The following CTNNA3 variants were observed in gnomAD, a reference collection of about 807,000 sequenced individuals.
The protein encoded by CTNNA3 is catenin alpha 3, also known as catenin alpha-3.
CTNNA3 carries 76 observed loss-of-function variants against 95.7 expected under a neutral mutation model. That is an observed-to-expected ratio of 0.79 (90% confidence interval 0.66 to 0.96). The LOEUF is 0.96. CTNNA3 is among the 40% of genes least tolerant of loss of function. CTNNA3 has a pLI of 0.00. For missense variants in CTNNA3, 1,191 were observed against 1,089.8 expected, an observed-to-expected ratio of 1.09 and a Z score of -1.31; for synonymous variants, 431 against 374.4, an observed-to-expected ratio of 1.15 and a Z score of -1.74.
intron 8 of CTNNA3, among the ~76,000 whole-genome samples, chr10:66,767,816 T>C (rs1414517698): frequency 6.6e-6 from 1 of 152,200 alleles, no homozygotes. Flanking sequence ...CTGCCCAAAA[T>C]AGTGAGCTTG....
intron 13 of CTNNA3, among the ~76,000 whole-genome samples, chr10:66,168,015 A>G (rs981412258): frequency 6.6e-6 from 1 of 152,162 alleles, no homozygotes; most frequent in South Asian, 2.1e-4. Flanking sequence ...CTCTTGGCCA[A>G]TTGCCCTCCT....
chr10:67,408,273 G>A (rs919167161), intron 5 of CTNNA3, among the ~76,000 whole-genome samples: 9 of 151,862 alleles, frequency 5.9e-5, no homozygotes, highest in East Asian at 3.9e-4. Flanking sequence ...AATAGAACTC[G>A]TATAGCCAAT....
intron 13 of CTNNA3, among the ~76,000 whole-genome samples, chr10:66,208,304 C>A (rs1017686033): frequency 7.9e-5 from 12 of 152,014 alleles, no homozygotes; most frequent in African/African-American, 2.7e-4. Flanking sequence ...CAATGCCACT[C>A]CCTTTACATA....
chr10:67,590,983 C>T (rs754059533), intron 3 of CTNNA3, among the ~76,000 whole-genome samples: 6 of 151,726 alleles, frequency 4.0e-5, no homozygotes, highest in Non-Finnish European at 5.9e-5. Context: ...ACTCCCAAAG[C>T]GTAAAAAAAA....
At chr10:66,618,781 A>G (rs1333030762) in intron 10 of CTNNA3, among the ~76,000 whole-genome samples, 2 of 151,972 alleles carry the variant, frequency 1.3e-5, no homozygotes, top group African/African-American at 2.4e-5. Context: ...GCAACCTACA[A>G]AATGGGAGAA....
At chr10:66,019,462 C>T (rs1353110343) in intron 15 of CTNNA3, among the ~76,000 whole-genome samples, 3 of 152,092 alleles carry the variant, frequency 2.0e-5, no homozygotes, top group African/African-American at 7.2e-5. Flanking sequence ...AGTGGGGGAT[C>T]CCACTTCTCC....
At position 67,577,700 on chromosome 10, in the gene CTNNA3, ATATG is replaced by A. The variant is rs1221954219; in HGVS notation, c.292+29153_292+29156del. Among the ~76,000 whole-genome samples the A allele has an allele frequency of 5.6e-5, 7 of 125,126 alleles. No homozygotes were observed. The East Asian group carries it at 9.2e-4, about 16-fold the overall frequency. The allele number at this position is 125,126 out of a possible 152,430, so 82.1% of individuals were successfully genotyped here. Reference sequence around the variant, plus strand: ...TGTGTATGTGTATATATATACACACATATGTGTGTGTGTGTGTGTGTGTATATAT... The same window carrying A: ...TGTGTATGTGTATATATATACACACATGTGTGTGTGTGTGTGTGTATATAT... On this transcript the variant is annotated intron_variant, in intron 3 of 17. Transcript: ENST00000433211.
At position 65,920,298 on chromosome 10, in the gene CTNNA3, G is replaced by C. The variant is rs1371647503; in HGVS notation, c.*32C>G. ...AAGCAGTGTGGTTAGGCAGGATTTT[G>C]TCATATAGGCACTATATGTAGAATA... On this transcript the variant is annotated 3_prime_UTR_variant, in exon 18 of 18. Transcript: ENST00000433211. The C allele has an allele frequency of 1.3e-6, 2 of 1,560,104 alleles. No individual in the cohort carries two copies. The highest frequency in any genetic ancestry group is 1.8e-6 in the Non-Finnish European group (2 of 1,141,560).
intron 16 of CTNNA3, among the ~76,000 whole-genome samples, chr10:65,971,726 A>G (rs73306064): frequency 0.014 from 2,206 of 152,190 alleles, 56 homozygotes; most frequent in African/African-American, 0.051. Flanking sequence ...AAATTCTACC[A>G]AACATACATA....
intron 12 of CTNNA3, among the ~76,000 whole-genome samples, chr10:66,360,749 TTC>T (rs2092658611): frequency 1.9e-5 from 2 of 107,426 alleles, no homozygotes; most frequent in African/African-American, 6.2e-5. Flanking sequence ...TCTTTCTTCC[TTC>T]CTTCCTTCCT....
intron 15 of CTNNA3, among the ~76,000 whole-genome samples, chr10:66,004,821 C>A (rs1214941439): frequency 6.6e-6 from 1 of 152,196 alleles, no homozygotes; most frequent in Non-Finnish European, 1.5e-5. Context: ...TGGCATCACT[C>A]CTGTATTACT....
chr10:65,934,131 C>G (rs532469561), intron 17 of CTNNA3, among the ~76,000 whole-genome samples: 1 of 152,118 alleles, frequency 6.6e-6, no homozygotes, highest in Admixed American at 6.6e-5. Context: ...TAACCATAAT[C>G]TGGACTTCTT....
At chr10:66,736,434 C>G (rs1849144746) in intron 9 of CTNNA3, among the ~76,000 whole-genome samples, 1 of 151,814 alleles carries the variant, frequency 6.6e-6, no homozygotes, top group African/African-American at 2.4e-5. Context: ...CTGAGGCAAT[C>G]TGCCTGCCTC....
At chr10:67,371,269 G>T (rs1843445774) in intron 5 of CTNNA3, among the ~76,000 whole-genome samples, 1 of 151,164 alleles carries the variant, frequency 6.6e-6, no homozygotes. Flanking sequence ...TAGGGTACAT[G>T]TGCATAATGT....
chr10:66,360,682 C>T lies in CTNNA3; in HGVS notation c.1732+18470G>A, dbSNP rs1471582299. Among the ~76,000 whole-genome samples the T allele has an allele frequency of 3.6e-3, 175 of 48,058 alleles. 19 individuals carry two copies. Among genetic ancestry groups the T allele is most frequent in the Non-Finnish European group, 8.6e-3 (140 of 16,318 alleles). The allele number at this position is 48,058 out of a possible 152,430, so 31.5% of individuals were successfully genotyped here. A position where few individuals can be genotyped will look rare whatever the true frequency, so the allele number is the denominator to read the frequency against. On this transcript the variant is annotated intron_variant, in intron 12 of 17. Transcript: ENST00000433211. ...TTCTTCCTTCCTTCCTTCCTTCCTTCCTTCCTTCCTTTTCTTTCTTTCTTT... is the reference window on the plus strand; with the variant it reads ...TTCTTCCTTCCTTCCTTCCTTCCTTTCTTCCTTCCTTTTCTTTCTTTCTTT...
At chr10:67,178,611 T>C (rs567655433) in intron 7 of CTNNA3, among the ~76,000 whole-genome samples, 32 of 152,236 alleles carry the variant, frequency 2.1e-4, no homozygotes, top group African/African-American at 6.7e-4. Flanking sequence ...AGTGTGCACA[T>C]GTATATATAT....
At chr10:66,918,772 G>A (rs1418146952) in intron 7 of CTNNA3, among the ~76,000 whole-genome samples, 1 of 152,134 alleles carries the variant, frequency 6.6e-6, no homozygotes, top group African/African-American at 2.4e-5. Context: ...AAATTAAAAG[G>A]CTGTTAGGAA....
At chr10:67,039,038 G>T (rs987522902) in intron 7 of CTNNA3, among the ~76,000 whole-genome samples, 1 of 152,050 alleles carries the variant, frequency 6.6e-6, no homozygotes, top group Non-Finnish European at 1.5e-5. Flanking sequence ...GAAAGGACTT[G>T]AGGTTGCTAT....
At chr10:67,222,962 G>T (rs1358027511) in intron 5 of CTNNA3, among the ~76,000 whole-genome samples, 2 of 152,178 alleles carry the variant, frequency 1.3e-5, no homozygotes, top group Non-Finnish European at 2.9e-5. Context: ...TTAATGCCAT[G>T]GGGACTTTGA....
Sources: gnomAD v4.1 joint callset for allele counts (sites outside exome capture counted in the v4.1 genomes callset) on GRCh38, gnomAD v4.1.1 for gene constraint, MANE v1.5 for transcripts, NCBI Gene and HGNC (gene_info 2026-07-23, HGNC 2026-07-21) for gene names.